Variants in GNAQ observed in about 807,000 individuals in gnomAD.
GNAQ encodes guanine nucleotide-binding protein G(q) subunit alpha.
A neutral mutation model predicts 43.9 loss-of-function variants in GNAQ; 8 were observed. The ratio of observed to expected loss-of-function variants is 0.18; its 90% CI spans 0.11 to 0.33. GNAQ has a LOEUF of 0.33. Ranked by LOEUF, GNAQ falls within the 10% of genes least tolerant of loss-of-function variation. GNAQ has a pLI of 1.00. For missense variants in GNAQ, 158 were observed against 450.8 expected (o/e 0.35, Z 5.88); for synonymous variants, 155 against 170.7 (o/e 0.91, Z 0.71).
In GNAQ at chr9:77,922,175, A is replaced by G. The variant is rs765827868; in HGVS notation, c.307T>C (p.Tyr103His). 2.5e-6 allele frequency: 4 copies of G among 1,612,470 alleles called. No homozygotes were observed. The highest frequency in any genetic ancestry group is 1.7e-5 in the Admixed American group (1 of 59,976). The change falls in exon 2 of 7, where the codon TAT (tyrosine) becomes CAT (histidine). Residue 103 changes from tyrosine (Y) to histidine (H), a missense_variant. Transcript: ENST00000286548. ...GTCGCACCTACCTTATTGTGCTCAT[A>G]CTTGTATGGGATCTTGAGTGTGTCC... ...AMDTLKIPYK[Y>H]EHNKAHAQLV...
At chr9:77,962,808 C>T (rs755875246) in intron 1 of GNAQ, among the ~76,000 whole-genome samples, 1 of 147,180 alleles carries the variant, frequency 6.8e-6, no homozygotes, top group African/African-American at 2.5e-5. Flanking sequence ...AAGAGAATTG[C>T]TTGAACCCGG....
chr9:77,764,384 A>G (rs1438322339), intron 5 of GNAQ, among the ~76,000 whole-genome samples: 1 of 152,130 alleles, frequency 6.6e-6, no homozygotes, highest in Admixed American at 6.5e-5. Context: ...CCTTGCCTAC[A>G]TCTGCAGTTT....
rs571971351 is a variant in GNAQ, at chr9:77,756,316, G to A, written c.736-27649C>T. Among the ~76,000 whole-genome samples the A allele has an allele frequency of 3.3e-5, 5 of 152,326 alleles. No individual in the cohort carries two copies. The South Asian group carries it at 8.3e-4, about 25-fold the overall frequency. On this transcript the variant is annotated intron_variant, in intron 5 of 6. Coordinates refer to ENST00000286548, the MANE Select transcript of GNAQ (RefSeq NM_002072.5). ...ATTACAAGCTGGGTGGGAACCACGT[G>A]GTATGGTTGTGGATTTCTGAAAAGC...
chr9:77,921,392 T>C (rs1016514984), intron 2 of GNAQ, among the ~76,000 whole-genome samples: 16 of 152,188 alleles, frequency 1.1e-4, no homozygotes, highest in African/African-American at 3.6e-4. Context: ...GGGACAACAC[T>C]CAGGTATACC....
At chr9:77,811,621 C>T (rs1260479483) in intron 3 of GNAQ, among the ~76,000 whole-genome samples, 1 of 152,188 alleles carries the variant, frequency 6.6e-6, no homozygotes, top group African/African-American at 2.4e-5. Context: ...ATGTGGAACA[C>T]AGCAGCAAAT....
chr9:78,004,696 C>T (rs1823684328), intron 1 of GNAQ, among the ~76,000 whole-genome samples: 1 of 151,970 alleles, frequency 6.6e-6, no homozygotes, highest in African/African-American at 2.4e-5. Context: ...AAACATAAAA[C>T]GTCATAGGAG....
At chr9:77,858,455 G>GTT (rs1281642247) in intron 2 of GNAQ, among the ~76,000 whole-genome samples, 1 of 152,068 alleles carries the variant, frequency 6.6e-6, no homozygotes, top group African/African-American at 2.4e-5. Flanking sequence ...CTGCCAGATC[G>GTT]TAAGTTGTTG....
intron 2 of GNAQ, among the ~76,000 whole-genome samples, chr9:77,898,655 G>A (rs1828543373): frequency 6.8e-6 from 1 of 146,658 alleles, no homozygotes; most frequent in South Asian, 2.2e-4. Flanking sequence ...ATGGACAGAT[G>A]GAAGAACAAG....
chr9:77,898,345 T>C (rs184738516), intron 2 of GNAQ, among the ~76,000 whole-genome samples: 6 of 152,232 alleles, frequency 3.9e-5, no homozygotes, highest in Non-Finnish European at 8.8e-5. Flanking sequence ...ATAAATATCA[T>C]CTTTAGTTAA....
At chr9:77,985,939 C>G (rs1457039325) in intron 1 of GNAQ, among the ~76,000 whole-genome samples, 1 of 152,142 alleles carries the variant, frequency 6.6e-6, no homozygotes, top group South Asian at 2.1e-4. Context: ...GAACTTTGAT[C>G]TTCTTGACAC....
At chr9:77,802,314 ACT>A (rs573067281) in intron 3 of GNAQ, among the ~76,000 whole-genome samples, 35 of 152,140 alleles carry the variant, frequency 2.3e-4, no homozygotes, top group Non-Finnish European at 4.6e-4. Context: ...GATTCAGCAC[ACT>A]CTGTATTTCA....
intron 1 of GNAQ, among the ~76,000 whole-genome samples, chr9:77,953,195 C>G (rs1204656571): frequency 6.6e-6 from 1 of 152,060 alleles, no homozygotes; most frequent in Non-Finnish European, 1.5e-5. Flanking sequence ...GGAGTTACAC[C>G]CAGCCTATCT....
chr9:77,949,469 C>A (rs1822947682), intron 1 of GNAQ, among the ~76,000 whole-genome samples: 1 of 152,134 alleles, frequency 6.6e-6, no homozygotes, highest in African/African-American at 2.4e-5. Flanking sequence ...GGGCTCCCAG[C>A]AAATATGAAC....
chr9:78,012,913 T>C (rs755625148), intron 1 of GNAQ, among the ~76,000 whole-genome samples: 3 of 152,182 alleles, frequency 2.0e-5, no homozygotes, highest in African/African-American at 4.8e-5. Context: ...TTTGAGAAAC[T>C]ACTACAGAAT....
chr9:78,021,392 A>G (rs1337998378), intron 1 of GNAQ, among the ~76,000 whole-genome samples: 1 of 152,206 alleles, frequency 6.6e-6, no homozygotes, highest in Non-Finnish European at 1.5e-5. Flanking sequence ...AGGCCACAGC[A>G]TTAGATATAT....
intron 5 of GNAQ, among the ~76,000 whole-genome samples, chr9:77,793,457 A>G (rs1385093185): frequency 6.6e-6 from 1 of 152,172 alleles, no homozygotes; most frequent in Non-Finnish European, 1.5e-5. Context: ...ATGTATTTTA[A>G]TGGAGATATT....
chr9:77,895,949 C>T (rs1004949566), intron 2 of GNAQ, among the ~76,000 whole-genome samples: 1 of 152,180 alleles, frequency 6.6e-6, no homozygotes, highest in Non-Finnish European at 1.5e-5. Context: ...TCACGTGGAA[C>T]TGAGTCCAAT....
At chr9:78,011,744 A>T (rs931794276) in intron 1 of GNAQ, among the ~76,000 whole-genome samples, 1 of 152,222 alleles carries the variant, frequency 6.6e-6, no homozygotes, top group Admixed American at 6.5e-5. Flanking sequence ...CATTGCAGAC[A>T]AGAGATTTGG....
chr9:77,777,233 T>C (rs1033965935), intron 5 of GNAQ, among the ~76,000 whole-genome samples: 1 of 152,086 alleles, frequency 6.6e-6, no homozygotes, highest in Non-Finnish European at 1.5e-5. Flanking sequence ...TGGTCCTAAC[T>C]TACAATGGTT....
Sources: allele counts gnomAD v4.1 joint callset (sites outside exome capture counted in the v4.1 genomes callset), GRCh38; gene constraint gnomAD v4.1.1; transcripts MANE v1.5; gene names NCBI Gene and HGNC (gene_info 2026-07-23, HGNC 2026-07-21).